CR1: variants seen among roughly 807,000 people sequenced by gnomAD.
CR1 encodes the protein complement C3b/C4b receptor 1 (Knops blood group), also known as complement receptor type 1.
A neutral mutation model predicts 187.3 loss-of-function variants in CR1; 116 were observed. The observed-to-expected ratio is 0.62, with a 90% confidence interval of 0.53 to 0.72. CR1 has a LOEUF of 0.72. Ranked by LOEUF, CR1 falls within the 30% of genes least tolerant of loss-of-function variation. The probability of loss-of-function intolerance (pLI) is 0.00; values close to 1 mark genes in which losing one functional copy is unlikely to be tolerated. For synonymous variants in CR1, 576 were observed against 747.1 expected, an observed-to-expected ratio of 0.77 and a Z score of 3.73; for missense variants, 1,731 against 2,110.7, an observed-to-expected ratio of 0.82 and a Z score of 3.52.
At chr1:207,611,910 T>A (rs1249245032) in intron 38 of CR1, 29 bp from the exon 39 acceptor site, 2 of 1,614,010 alleles carry the variant, frequency 1.2e-6, no homozygotes, top group South Asian at 1.1e-5. Context: ...ATGGAGGACT[T>A]ACTCCTGTTG....
chr1:207,630,489 T>C, intron 45 of CR1, 28 bp from the exon 46 acceptor site: 5 of 1,417,666 alleles, frequency 3.5e-6, no homozygotes, highest in Non-Finnish European at 4.9e-6. Flanking sequence ...ATTAAGACAG[T>C]TTTTCTATTT....
At chr1:207,588,268 G>T (rs1449539463) in intron 34 of CR1, among the ~76,000 whole-genome samples, 1 of 152,056 alleles carries the variant, frequency 6.6e-6, no homozygotes, top group African/African-American at 2.4e-5. Context: ...TCCTGGGTTC[G>T]AGCAAGTCTC....
At chr1:207,637,549 C>T (rs1241016356) in intron 46 of CR1, among the ~76,000 whole-genome samples, 1 of 152,230 alleles carries the variant, frequency 6.6e-6, no homozygotes, top group Non-Finnish European at 1.5e-5. Flanking sequence ...ATAAGTGAAT[C>T]TACTGATGGG....
At chr1:207,512,942 C>A (rs1659668244) in intron 4 of CR1, among the ~76,000 whole-genome samples, 2 of 152,168 alleles carry the variant, frequency 1.3e-5, no homozygotes, top group South Asian at 4.1e-4. Flanking sequence ...GGAAGATTTA[C>A]AATACATGCT....
At chr1:207,627,885 C>T (rs61822979) in intron 45 of CR1, among the ~76,000 whole-genome samples, 28 of 152,242 alleles carry the variant, frequency 1.8e-4, no homozygotes, top group South Asian at 1.2e-3. Context: ...ATCTTTTCTC[C>T]GTGTTCTCAA....
At chr1:207,587,657 G>T (rs1661153034) in intron 34 of CR1, 92 bp downstream of exon 34, 1 of 1,268,220 alleles carries the variant, frequency 7.9e-7, no homozygotes, top group African/African-American at 1.5e-5. Flanking sequence ...CCATCACTTT[G>T]GGAGGCCAAG....
rs1418132778 is a variant in CR1 at position 207,496,173 on chromosome 1, G to A, written c.-95G>A. 7 of 1,604,418 alleles carry A rather than the reference G, an allele frequency of 4.4e-6. No individual in the cohort carries two copies. The highest frequency in any genetic ancestry group is 6.0e-6 in the Non-Finnish European group (7 of 1,175,794). ...GCCCTCCCCACACTCTGGGCGCGGA[G>A]CACAATGATTGGTCACTCCTATTTT... On this transcript the variant is annotated 5_prime_UTR_variant, in exon 1 of 47. Coordinates refer to ENST00000367049, the MANE Select transcript of CR1 (RefSeq NM_000651.6).
chr1:207,524,073 T>A, intron 5 of CR1, 64 bp downstream of exon 5: 2 of 1,611,472 alleles, frequency 1.2e-6, no homozygotes, highest in African/African-American at 1.3e-5. Context: ...GATCAGGAGA[T>A]TAGTATTTGT....
intron 46 of CR1, among the ~76,000 whole-genome samples, chr1:207,632,691 G>C (rs1662682182): frequency 6.6e-6 from 1 of 151,612 alleles, no homozygotes; most frequent in Non-Finnish European, 1.5e-5. Flanking sequence ...CCAGCTACTC[G>C]GGAGGCTGAG....
chr1:207,507,213 A>T (rs185572198), intron 3 of CR1: 1 of 161,568 alleles, frequency 6.2e-6, no homozygotes, highest in Non-Finnish European at 1.3e-5. Context: ...CTGCTGTAAC[A>T]GAGTACTCCA....
At chr1:207,499,896 C>T (rs1659213559) in intron 1 of CR1, among the ~76,000 whole-genome samples, 1 of 152,142 alleles carries the variant, frequency 6.6e-6, no homozygotes, top group Non-Finnish European at 1.5e-5. Context: ...AAGTGTCCTA[C>T]ACAGAAATGC....
At position 207,511,668 on chromosome 1, in the gene CR1, T is replaced by C; in HGVS notation, c.487+14T>C. Reference sequence around the variant, plus strand: ...CTATTTGTGACAGTGAGTTGAAATATCCCTTCCTATTTCTTTTACCGACAC... The same window carrying C: ...CTATTTGTGACAGTGAGTTGAAATACCCCTTCCTATTTCTTTTACCGACAC... On this transcript the variant is annotated intron_variant, in intron 4 of 46. Coordinates refer to ENST00000367049, the MANE Select transcript of CR1 (RefSeq NM_000651.6). The C allele has an allele frequency of 1.2e-6, 2 of 1,605,314 alleles. No individual in the cohort carries two copies. The highest frequency in any genetic ancestry group is 1.7e-6 in the Non-Finnish European group (2 of 1,172,620).
At chr1:207,500,806 T>C (rs1420576484) in intron 1 of CR1, among the ~76,000 whole-genome samples, 1 of 152,196 alleles carries the variant, frequency 6.6e-6, no homozygotes, top group Non-Finnish European at 1.5e-5. Context: ...ACACAAAGAC[T>C]TGTACATGAA....
intron 35 of CR1, chr1:207,600,780 C>A (rs1661580782): frequency 6.6e-6 from 1 of 152,102 alleles, no homozygotes; most frequent in African/African-American, 2.4e-5. Flanking sequence ...CTGAGACAGA[C>A]AGGTTAACTA....
chr1:207,520,625 G>A (rs886280617), intron 4 of CR1, among the ~76,000 whole-genome samples: 2 of 152,162 alleles, frequency 1.3e-5, no homozygotes, highest in African/African-American at 4.8e-5. Context: ...TGTAATGACT[G>A]AAGAGGTTTT....
chr1:207,619,200 T>C (rs1662237994), intron 42 of CR1, among the ~76,000 whole-genome samples: 1 of 151,352 alleles, frequency 6.6e-6, no homozygotes, highest in African/African-American at 2.4e-5. Context: ...CTGGCCAACA[T>C]GGTGAAACCC....
chr1:207,578,094 T>G lies in CR1; in HGVS notation c.4827T>G (p.Asn1609Lys), dbSNP rs779018569. Residue 1609 changes from asparagine (N) to lysine (K), a missense_variant, in exon 29 of 47, where the codon AAT becomes AAG. Physicochemically the swap from Asn to Lys is moderately conservative, Grantham distance 94. Transcript: ENST00000367049. ...VSDNRSLFSL[N>K]EVVEFRCQPG... ...ACAACAGAAGCTTATTTTCCTTAAA[T>G]GAAGTTGTGGAGTTTAGGTGTCAGC... 2 of 1,611,696 alleles carry G rather than the reference T, an allele frequency of 1.2e-6. No individual in the cohort carries two copies. Among genetic ancestry groups the G allele is most frequent in the Admixed American group, 1.7e-5 (1 of 60,010 alleles).
Position 207,523,752 on chromosome 1 carries a change from A to C in CR1, c.629A>C (p.Glu210Ala). 1 of 1,612,146 alleles carries C rather than the reference A, an allele frequency of 6.2e-7. No homozygotes were observed. Among genetic ancestry groups the C allele is most frequent in the Non-Finnish European group, 8.5e-7 (1 of 1,179,788 alleles). ...AGAAAGGTGTTTGAGCTTGTGGGTG[A>C]GCCCTCCATATACTGCACCAGCAAT... Reference protein sequence around the residue: ...GGRKVFELVGEPSIYCTSNDD... With the variant: ...GGRKVFELVGAPSIYCTSNDD... The change falls in exon 5 of 47, where the codon GAG becomes GCG. Residue 210 changes from glutamate to alanine, a missense_variant. By Grantham distance (107) the Glu-to-Ala change is moderately radical. This residue lies in a region of CR1 where 131 missense variants were observed against 196.8 expected (regional missense o/e 0.67). Transcript: ENST00000367049.
intron 40 of CR1, 106 bp from the exon 41 acceptor site, chr1:207,616,469 T>G: frequency 7.5e-7 from 1 of 1,332,598 alleles, no homozygotes; most frequent in South Asian, 1.5e-5. Context: ...AGTTATATTC[T>G]TTCTAAAAGT....
Sources: gnomAD v4.1 joint callset for allele counts (sites outside exome capture counted in the v4.1 genomes callset) on GRCh38, gnomAD v4.1.1 for gene constraint, gnomAD v4.1.1 regional missense constraint, MANE v1.5 for transcripts, NCBI Gene and HGNC (gene_info 2026-07-23, HGNC 2026-07-21) for gene names.